Variants in HCN1 observed in about 807,000 individuals in gnomAD.
HCN1 encodes potassium/sodium hyperpolarization-activated cyclic nucleotide-gated channel 1.
Under a neutral mutation model 78.9 loss-of-function variants are expected in HCN1, and 13 were observed. The ratio of observed to expected loss-of-function variants is 0.16; its 90% CI spans 0.11 to 0.26. The LOEUF (loss-of-function observed/expected upper bound fraction) is 0.26. HCN1 is among the 10% of genes least tolerant of loss of function. The pLI, the probability that HCN1 is intolerant of heterozygous loss-of-function variation, is 1.00. For synonymous variants in HCN1, 552 were observed against 455.5 expected (o/e 1.21, Z -2.70); for missense variants, 810 against 1,154.3 (o/e 0.70, Z 4.32).
At chr5:45,579,577 A>G (rs1744016697) in intron 2 of HCN1, among the ~76,000 whole-genome samples, 1 of 152,136 alleles carries the variant, frequency 6.6e-6, no homozygotes, top group African/African-American at 2.4e-5. Flanking sequence ...TACAAAAATT[A>G]AAAAGAGCCA....
chr5:45,482,837 T>G (rs1741682058), intron 2 of HCN1, among the ~76,000 whole-genome samples: 1 of 152,196 alleles, frequency 6.6e-6, no homozygotes, highest in African/African-American at 2.4e-5. Context: ...TAGCTCCCAC[T>G]TGTAAGTGAG....
intron 2 of HCN1, among the ~76,000 whole-genome samples, chr5:45,640,560 T>C (rs922166428): frequency 4.6e-5 from 7 of 151,710 alleles, no homozygotes; most frequent in Non-Finnish European, 8.8e-5. Flanking sequence ...CTTCTGGAAA[T>C]GAGTTGAAGT....
chr5:45,414,247 G>C (rs951529078), intron 3 of HCN1, among the ~76,000 whole-genome samples: 4 of 151,870 alleles, frequency 2.6e-5, no homozygotes, highest in Non-Finnish European at 5.9e-5. Flanking sequence ...TACCATCTTA[G>C]TTATTTGTTA....
At chr5:45,609,858 C>T (rs1744800132) in intron 2 of HCN1, among the ~76,000 whole-genome samples, 1 of 152,098 alleles carries the variant, frequency 6.6e-6, no homozygotes. Context: ...TGAAATTTCA[C>T]AGGAGGTGTG....
chr5:45,303,206 T>C (rs532075164), intron 6 of HCN1, among the ~76,000 whole-genome samples: 7 of 152,262 alleles, frequency 4.6e-5, no homozygotes, highest in Admixed American at 2.0e-4. Flanking sequence ...TTTCATTTCT[T>C]CTATTATTTC....
At chr5:45,636,439 A>C (rs972879934) in intron 2 of HCN1, among the ~76,000 whole-genome samples, 13 of 152,186 alleles carry the variant, frequency 8.5e-5, no homozygotes, top group African/African-American at 2.4e-5. Flanking sequence ...GAAAGGAAAA[A>C]CTAAGACATC....
intron 1 of HCN1, among the ~76,000 whole-genome samples, chr5:45,658,494 C>A (rs1315671805): frequency 1.3e-5 from 2 of 152,126 alleles, no homozygotes. Context: ...CAGCTCCCAG[C>A]GTGAGCGATG....
At chr5:45,309,292 T>A (rs548326280) in intron 5 of HCN1, among the ~76,000 whole-genome samples, 13 of 152,304 alleles carry the variant, frequency 8.5e-5, no homozygotes, top group Admixed American at 8.5e-4. Context: ...TTTCTAGACA[T>A]GGGATCCTGT....
Position 45,569,552 on chromosome 5 carries a change from ATTAAT to A in HCN1, c.849+75628_849+75632del, listed in dbSNP as rs1229328314. Among the ~76,000 whole-genome samples, 7 of 152,070 alleles carry A rather than the reference ATTAAT, an allele frequency of 4.6e-5. No homozygotes were observed. The East Asian group carries it at 1.2e-3, about 25-fold the overall frequency. On this transcript the variant is annotated intron_variant, in intron 2 of 7. Coordinates refer to ENST00000303230, the MANE Select transcript of HCN1 (RefSeq NM_021072.4). ...CCATGTTTAGAGTTCTATTTAATTA[ATTAAT>A]TTAATTTAATCTCAATTACTGTTTT...
chr5:45,493,435 C>A (rs1164628774), intron 2 of HCN1, among the ~76,000 whole-genome samples: 1 of 151,792 alleles, frequency 6.6e-6, no homozygotes, highest in Non-Finnish European at 1.5e-5. Context: ...TTATATATTC[C>A]TTTTACATAA....
intron 6 of HCN1, among the ~76,000 whole-genome samples, chr5:45,295,747 G>A (rs1239490029): frequency 2.6e-5 from 4 of 151,936 alleles, no homozygotes. Flanking sequence ...AGTGAAAAGA[G>A]CATTCCTCAG....
At chr5:45,483,076 G>T (rs775403683) in intron 2 of HCN1, among the ~76,000 whole-genome samples, 1 of 152,122 alleles carries the variant, frequency 6.6e-6, no homozygotes, top group Non-Finnish European at 1.5e-5. Context: ...ACATACGAGT[G>T]CATCTGTCTT....
intron 3 of HCN1, among the ~76,000 whole-genome samples, chr5:45,449,904 C>T (rs1413722976): frequency 1.3e-5 from 2 of 152,094 alleles, no homozygotes; most frequent in East Asian, 3.9e-4. Flanking sequence ...GTGATCTCGG[C>T]TCACTGCAAG....
intron 2 of HCN1, among the ~76,000 whole-genome samples, chr5:45,623,692 A>C (rs570718326): frequency 1.3e-5 from 2 of 152,166 alleles, no homozygotes; most frequent in Non-Finnish European, 2.9e-5. Flanking sequence ...TAACTCCTTT[A>C]CGTTGTTTTA....
intron 2 of HCN1, among the ~76,000 whole-genome samples, chr5:45,484,015 T>C (rs1443999273): frequency 1.3e-5 from 2 of 152,204 alleles, no homozygotes; most frequent in African/African-American, 4.8e-5. Context: ...CATTTGGTTA[T>C]TGTGGCTTTA....
chr5:45,626,435 C>T (rs1452391864), intron 2 of HCN1, among the ~76,000 whole-genome samples: 1 of 152,066 alleles, frequency 6.6e-6, no homozygotes, highest in Non-Finnish European at 1.5e-5. Context: ...GTGTACTAAT[C>T]AATTATGAAC....
chr5:45,680,308 A>G (rs1739679167), intron 1 of HCN1, among the ~76,000 whole-genome samples: 1 of 152,202 alleles, frequency 6.6e-6, no homozygotes, highest in Non-Finnish European at 1.5e-5. Flanking sequence ...GTAACAATGA[A>G]CAAGTAAAGA....
In HCN1 at chr5:45,491,803, G is replaced by A. The variant is rs188367018; in HGVS notation, c.850-29796C>T. ...TACAGAATAAAATTCCAGGTCTTGA[G>A]GAAATTATGCAGGGCCTCTATAAGA... On this transcript the variant is annotated intron_variant, in intron 2 of 7. Coordinates refer to ENST00000303230, the MANE Select transcript of HCN1 (RefSeq NM_021072.4). Among the ~76,000 whole-genome samples the A allele has an allele frequency of 5.9e-5, 9 of 152,260 alleles. No individual in the cohort carries two copies. In the East Asian group the frequency reaches 1.4e-3, roughly 23 times the overall value.
At chr5:45,614,847 A>G (rs1423954834) in intron 2 of HCN1, among the ~76,000 whole-genome samples, 1 of 151,934 alleles carries the variant, frequency 6.6e-6, no homozygotes, top group Non-Finnish European at 1.5e-5. Flanking sequence ...CACACTCCAG[A>G]TTATGTCACC....
Sources: allele counts gnomAD v4.1 joint callset (sites outside exome capture counted in the v4.1 genomes callset), GRCh38; gene constraint gnomAD v4.1.1; transcripts MANE v1.5; gene names NCBI Gene and HGNC (gene_info 2026-07-23, HGNC 2026-07-21).